PARP11: variants seen among roughly 807,000 people sequenced by gnomAD.
The protein encoded by PARP11 is poly(ADP-ribose) polymerase family member 11.
PARP11 carries 31 observed loss-of-function variants against 42.9 expected under a neutral mutation model. The ratio of observed to expected loss-of-function variants is 0.72; its 90% CI spans 0.54 to 0.98. The LOEUF (loss-of-function observed/expected upper bound fraction) is 0.98. PARP11 is among the 50% of genes least tolerant of loss of function. PARP11 has a pLI of 0.00. For synonymous variants in PARP11, 137 were observed against 127.3 expected (o/e 1.08, Z -0.51); for missense variants, 365 against 413.1 (o/e 0.88, Z 1.01).
intron 6 of PARP11, among the ~76,000 whole-genome samples, chr12:3,817,885 T>C (rs945273108): frequency 6.6e-6 from 1 of 152,226 alleles, no homozygotes; most frequent in Admixed American, 6.5e-5. Context: ...TCTGATTCAG[T>C]AGATCTGTGG....
intron 6 of PARP11, among the ~76,000 whole-genome samples, chr12:3,814,470 T>C (rs1947245928): frequency 6.6e-6 from 1 of 152,154 alleles, no homozygotes; most frequent in African/African-American, 2.4e-5. Flanking sequence ...ATAAAGGTAA[T>C]TGATTGTCTA....
chr12:3,822,565 C>G (rs1374589679), intron 4 of PARP11, among the ~76,000 whole-genome samples: 1 of 147,944 alleles, frequency 6.8e-6, no homozygotes, highest in Non-Finnish European at 1.5e-5. Context: ...CGCCACTGCA[C>G]TCCAGCCTGG....
At chr12:3,836,948 T>G (rs1947778148) in intron 1 of PARP11, among the ~76,000 whole-genome samples, 1 of 152,192 alleles carries the variant, frequency 6.6e-6, no homozygotes, top group Admixed American at 6.5e-5. Flanking sequence ...CCCACCATCT[T>G]GGGTTCCCTG....
chr12:3,826,222 T>C lies in PARP11; in HGVS notation c.280A>G (p.Met94Val), dbSNP rs1947520163. 1.3e-6 allele frequency: 2 copies of C among 1,592,430 alleles called. No individual in the cohort carries two copies. Among genetic ancestry groups the C allele is most frequent in the African/African-American group, 2.7e-5 (2 of 73,292 alleles). The change falls in exon 4 of 8, where the codon ATG becomes GTG. Residue 94 changes from methionine to valine, a missense_variant. Met to Val is a conservative substitution (Grantham distance 21, BLOSUM62 1). Coordinates refer to ENST00000228820, the MANE Select transcript of PARP11 (RefSeq NM_020367.6). Reference protein sequence around the residue: ...YKIDFAEMKQMNLTTGKQRLI... With the variant: ...YKIDFAEMKQVNLTTGKQRLI... ...CGCTGCTTTCCAGTGGTGAGATTCA[T>C]TTGCTTCATTTCTGTATACAAAGAC...
At position 3,810,747 on chromosome 12, in the gene PARP11, AAAGG is replaced by A. The variant is rs1947159334; in HGVS notation, c.*1372_*1375del. On this transcript the variant is annotated 3_prime_UTR_variant, in exon 8 of 8. Transcript: ENST00000228820. ...AAGAGAAAGAGAAAGAGGAAGAGAAAAAGGAAGAGAGAGAAAGAGGAAGAGGAGA... is the reference window on the plus strand; with the variant it reads ...AAGAGAAAGAGAAAGAGGAAGAGAAAAAGAGAGAGAAAGAGGAAGAGGAGA... 1 of 151,964 alleles carries A rather than the reference AAAGG, an allele frequency of 6.6e-6. No homozygotes were observed. The highest frequency in any genetic ancestry group is 1.5e-5 in the Non-Finnish European group (1 of 68,084). The allele number at this position is 151,964 out of a possible 1,614,324, so 9.4% of individuals were successfully genotyped here.
In PARP11 at chr12:3,826,140, C is replaced by T; in HGVS notation, c.344+18G>A. The T allele has an allele frequency of 6.6e-7, 1 of 1,513,176 alleles. No individual in the cohort carries two copies. The allele number at this position is 1,513,176 out of a possible 1,614,324, so 93.7% of individuals were successfully genotyped here. A position where few individuals can be genotyped will look rare whatever the true frequency, so the allele number is the denominator to read the frequency against. On this transcript the variant is annotated intron_variant, in intron 4 of 7. Transcript: ENST00000228820. ...AAAAAAAAACCCACTCTTTCCACCC[C>T]TATTCTCTTTACCATACCTGAAAGC...
At chr12:3,864,510 T>C (rs1449502560) in intron 1 of PARP11, among the ~76,000 whole-genome samples, 2 of 152,214 alleles carry the variant, frequency 1.3e-5, no homozygotes, top group African/African-American at 4.8e-5. Context: ...AAATATTTGG[T>C]AGAATTCACC....
chr12:3,840,385 G>A lies in PARP11; in HGVS notation c.19-10367C>T. On this transcript the variant is annotated intron_variant, in intron 1 of 7. Coordinates refer to ENST00000228820, the MANE Select transcript of PARP11 (RefSeq NM_020367.6). This position sits in a 1 kb window ranked among gnomAD's most constrained non-coding sequence, Gnocchi z 4.4. Reference sequence around the variant, plus strand: ...TTTCCATTCTGATATGGATTACAGAGGGCCAAAGAATCCAAGCAAGCCAAT... The same window carrying A: ...TTTCCATTCTGATATGGATTACAGAAGGCCAAAGAATCCAAGCAAGCCAAT... The A allele has an allele frequency of 1.2e-6, 2 of 1,613,922 alleles. No homozygotes were observed. Among genetic ancestry groups the A allele is most frequent in the Non-Finnish European group, 1.7e-6 (2 of 1,179,812 alleles).
At chr12:3,824,768 C>T (rs1244800321) in intron 4 of PARP11, 1 of 190,812 alleles carries the variant, frequency 5.2e-6, no homozygotes, top group African/African-American at 2.4e-5. Flanking sequence ...ATAACATCTT[C>T]CATTATTATG....
At chr12:3,841,721 C>G (rs2138073964) in intron 1 of PARP11, 1 of 1,612,966 alleles carries the variant, frequency 6.2e-7, no homozygotes, top group East Asian at 2.2e-5. Context: ...TTCTTAGGCC[C>G]AGTTCCTATT....
intron 1 of PARP11, among the ~76,000 whole-genome samples, chr12:3,867,619 T>C (rs1463735596): frequency 1.3e-5 from 2 of 152,248 alleles, no homozygotes; most frequent in South Asian, 2.1e-4. Flanking sequence ...CCAAGCTATG[T>C]TGCAAATGGC....
At chr12:3,863,130 TAA>T (rs1948328171) in intron 1 of PARP11, among the ~76,000 whole-genome samples, 1 of 152,252 alleles carries the variant, frequency 6.6e-6, no homozygotes, top group South Asian at 2.1e-4. Flanking sequence ...GATAGTACTG[TAA>T]GTGGAATTGC....
In PARP11 at chr12:3,814,093, C is replaced by T. The variant is rs1252939337; in HGVS notation, c.644G>A (p.Cys215Tyr). 4.4e-6 allele frequency: 7 copies of T among 1,608,772 alleles called. No homozygotes were observed. Among genetic ancestry groups the T allele is most frequent in the Non-Finnish European group, 5.9e-6 (7 of 1,176,614 alleles). The part of the protein sequence containing the change: ...GTSSEFVEAI[C>Y]IHNFDWRING... The stretch of plus-strand genomic sequence containing the variant: ...TATTCTCCAATCAAAGTTATGAATG[C>T]AGATTGCTTCCACAAATTCACTGCT... Residue 215 changes from cysteine to tyrosine, a missense_variant, in exon 7 of 8, where the codon TGC (cysteine) becomes TAC (tyrosine). By Grantham distance (194) the Cys-to-Tyr change is radical. Transcript: ENST00000228820.
At chr12:3,860,755 C>A (rs1948280902) in intron 1 of PARP11, among the ~76,000 whole-genome samples, 1 of 152,192 alleles carries the variant, frequency 6.6e-6, no homozygotes, top group Non-Finnish European at 1.5e-5. Flanking sequence ...TAGCTCACTG[C>A]AACCTCGAAC....
chr12:3,841,255 G>A (rs1947883689), intron 1 of PARP11: 5 of 1,393,806 alleles, frequency 3.6e-6, no homozygotes, highest in Non-Finnish European at 4.1e-6. Context: ...CCTACCTAAA[G>A]ATAAGAATAT....
chr12:3,869,722 C>T (rs1206332023), intron 1 of PARP11, among the ~76,000 whole-genome samples: 7 of 152,208 alleles, frequency 4.6e-5, no homozygotes, highest in Non-Finnish European at 7.4e-5. Flanking sequence ...TGTCATAGTA[C>T]TCTTTTTCTT....
At chr12:3,833,852 G>A (rs1214242691) in intron 1 of PARP11, among the ~76,000 whole-genome samples, 2 of 152,074 alleles carry the variant, frequency 1.3e-5, no homozygotes, top group African/African-American at 4.8e-5. Context: ...CAGGCAGAGG[G>A]CTCCCTCTCC....
chr12:3,817,582 C>T (rs756743105), intron 6 of PARP11, among the ~76,000 whole-genome samples: 3 of 152,180 alleles, frequency 2.0e-5, no homozygotes, highest in Non-Finnish European at 4.4e-5. Context: ...CACAGAACTA[C>T]ACTAAGTTCT....
Position 3,873,288 on chromosome 12 carries a change from G to A in PARP11, c.-59C>T, listed in dbSNP as rs1948528934. ...GGAAGGGGCTAGCCGCGGGGCCTGG[G>A]TGTTGGATTTTTTTTTTTCCCGCGG... On this transcript the variant is annotated 5_prime_UTR_variant, in exon 1 of 8. Transcript: ENST00000228820. The A allele has an allele frequency of 1.3e-6, 2 of 1,533,392 alleles. No homozygotes were observed. Among genetic ancestry groups the A allele is most frequent in the Admixed American group, 2.0e-5 (1 of 50,482 alleles). The allele number at this position is 1,533,392 out of a possible 1,614,324, so 95.0% of individuals were successfully genotyped here. A position where few individuals can be genotyped will look rare whatever the true frequency, so the allele number is the denominator to read the frequency against.
Sources: allele counts gnomAD v4.1 joint callset (sites outside exome capture counted in the v4.1 genomes callset), GRCh38; gene constraint gnomAD v4.1.1; non-coding constraint Gnocchi (gnomAD v3.1); transcripts MANE v1.5; gene names NCBI Gene and HGNC (gene_info 2026-07-23, HGNC 2026-07-21).